SLC4A10: variants seen among roughly 807,000 people sequenced by gnomAD.
SLC4A10 encodes solute carrier family 4 member 10, also known as sodium-driven chloride bicarbonate exchanger.
A neutral mutation model predicts 137.7 loss-of-function variants in SLC4A10; 42 were observed. The observed-to-expected ratio is 0.30, with a 90% confidence interval of 0.24 to 0.39. SLC4A10 has a LOEUF of 0.39. Ranked by LOEUF, SLC4A10 falls within the 10% of genes least tolerant of loss-of-function variation. SLC4A10 has a pLI of 1.00. For missense variants in SLC4A10, 925 were observed against 1,355.0 expected, an observed-to-expected ratio of 0.68 and a Z score of 4.98; for synonymous variants, 474 against 464.1, an observed-to-expected ratio of 1.02 and a Z score of -0.27.
intron 21 of SLC4A10, among the ~76,000 whole-genome samples, chr2:161,963,915 C>T (rs912868196): frequency 4.6e-5 from 7 of 152,072 alleles, no homozygotes; most frequent in African/African-American, 7.2e-5. Flanking sequence ...AATTGTAACC[C>T]GTCTCCATAT....
chr2:161,859,594 C>CTTTTTTTTTTTTTTT (rs72003642), intron 5 of SLC4A10, among the ~76,000 whole-genome samples: 103 of 47,290 alleles, frequency 2.2e-3, no homozygotes, highest in Non-Finnish European at 2.9e-3. Flanking sequence ...CTTTTCTTTT[C>CTTTTTTTTTTTTTTT]TTTTTTTTTT....
intron 1 of SLC4A10, among the ~76,000 whole-genome samples, chr2:161,638,480 T>A (rs973838091): frequency 6.6e-6 from 1 of 152,112 alleles, no homozygotes; most frequent in Admixed American, 6.6e-5. Flanking sequence ...TTTCATTGAT[T>A]TATGAGTCTG....
intron 1 of SLC4A10, among the ~76,000 whole-genome samples, chr2:161,717,100 T>A (rs1428593675): frequency 1.3e-5 from 2 of 152,172 alleles, no homozygotes; most frequent in Non-Finnish European, 2.9e-5. Context: ...TTTATGCTTG[T>A]CTGTTGTTGG....
intron 1 of SLC4A10, among the ~76,000 whole-genome samples, chr2:161,657,359 C>A (rs2037689597): frequency 6.6e-6 from 1 of 151,868 alleles, no homozygotes; most frequent in Non-Finnish European, 1.5e-5. Context: ...AATGTTAATT[C>A]TTTTATTTTC....
intron 8 of SLC4A10, among the ~76,000 whole-genome samples, chr2:161,876,927 A>G (rs2061483018): frequency 6.6e-6 from 1 of 152,098 alleles, no homozygotes; most frequent in South Asian, 2.1e-4. Flanking sequence ...GTGCTATAGT[A>G]CTATAACTTA....
intron 3 of SLC4A10, among the ~76,000 whole-genome samples, chr2:161,823,951 G>A (rs921113822): frequency 4.6e-5 from 7 of 152,174 alleles, no homozygotes; most frequent in Non-Finnish European, 1.0e-4. Flanking sequence ...TCCTTGAAAG[G>A]AAAAGATGAG....
intron 1 of SLC4A10, among the ~76,000 whole-genome samples, chr2:161,745,536 T>C (rs1380677179): frequency 6.6e-6 from 1 of 152,216 alleles, no homozygotes; most frequent in Admixed American, 6.5e-5. Context: ...AAGAGTCATA[T>C]ATCTCTGTCA....
chr2:161,640,965 T>C (rs1194919124), intron 1 of SLC4A10, among the ~76,000 whole-genome samples: 1 of 152,216 alleles, frequency 6.6e-6, no homozygotes, highest in African/African-American at 2.4e-5. Context: ...GGCTCCCTTG[T>C]ACATTATAAG....
chr2:161,860,283 T>G (rs1260223047), intron 5 of SLC4A10, among the ~76,000 whole-genome samples: 1 of 152,188 alleles, frequency 6.6e-6, no homozygotes, highest in Admixed American at 6.5e-5. Context: ...AATAAAAATC[T>G]TATCTTTGAA....
intron 4 of SLC4A10, among the ~76,000 whole-genome samples, chr2:161,842,655 A>C (rs1350315324): frequency 1.3e-5 from 2 of 152,144 alleles, no homozygotes; most frequent in African/African-American, 4.8e-5. Context: ...ATAGACTTAA[A>C]TTTAAAATAG....
At chr2:161,863,911 C>G (rs2060580626) in intron 6 of SLC4A10, among the ~76,000 whole-genome samples, 1 of 152,030 alleles carries the variant, frequency 6.6e-6, no homozygotes, top group Non-Finnish European at 1.5e-5. Context: ...TTAAAAGTTT[C>G]CAGTTCTAGG....
At chr2:161,933,540 ATGCCACCACATC>A (rs1207624461) in intron 15 of SLC4A10, among the ~76,000 whole-genome samples, 1 of 151,946 alleles carries the variant, frequency 6.6e-6, no homozygotes, top group African/African-American at 2.4e-5. Flanking sequence ...CAACATGCAC[ATGCCACCACATC>A]TGCCTAATTT....
At chr2:161,735,632 T>C (rs1169850353) in intron 1 of SLC4A10, among the ~76,000 whole-genome samples, 1 of 152,072 alleles carries the variant, frequency 6.6e-6, no homozygotes, top group Non-Finnish European at 1.5e-5. Context: ...ATATACCAGG[T>C]GTAGAACTCA....
chr2:161,867,555 A>G (rs1301667344), intron 6 of SLC4A10, among the ~76,000 whole-genome samples: 1 of 152,026 alleles, frequency 6.6e-6, no homozygotes, highest in African/African-American at 2.4e-5. Context: ...CCCAGAGGCT[A>G]TATTGTCATT....
chr2:161,762,580 T>C (rs1466561292), intron 1 of SLC4A10, among the ~76,000 whole-genome samples: 1 of 152,084 alleles, frequency 6.6e-6, no homozygotes, highest in Non-Finnish European at 1.5e-5. Flanking sequence ...TAAATCTAAA[T>C]GTTAATTTTC....
At position 161,869,484 on chromosome 2, in the gene SLC4A10, A is replaced by G. The variant is rs528020210; in HGVS notation, c.767-2809A>G. 4.6e-5 allele frequency among the ~76,000 whole-genome samples: 7 copies of G among 151,826 alleles called. No individual in the cohort carries two copies. In the East Asian group the frequency reaches 1.3e-3, roughly 29 times the overall value. ...TTTATGAGGTTTCAATTAGTTCTATATACTATAATTCATGCTTGAATATTG... is the reference window on the plus strand; with the variant it reads ...TTTATGAGGTTTCAATTAGTTCTATGTACTATAATTCATGCTTGAATATTG... On this transcript the variant is annotated intron_variant, in intron 6 of 26. Transcript: ENST00000446997.
chr2:161,807,308 A>G (rs985430108), intron 3 of SLC4A10, among the ~76,000 whole-genome samples: 9 of 152,168 alleles, frequency 5.9e-5, no homozygotes, highest in African/African-American at 2.2e-4. Context: ...TATTCAGAAT[A>G]CCACAATAAG....
At chr2:161,707,330 A>G (rs944156227) in intron 1 of SLC4A10, among the ~76,000 whole-genome samples, 2 of 151,470 alleles carry the variant, frequency 1.3e-5, no homozygotes, top group Admixed American at 6.6e-5. Flanking sequence ...AAGAAGGGAA[A>G]CTATTCACAG....
At chr2:161,835,992 A>C (rs1012650942) in intron 3 of SLC4A10, among the ~76,000 whole-genome samples, 16 of 152,196 alleles carry the variant, frequency 1.1e-4, no homozygotes, top group African/African-American at 3.9e-4. Context: ...AAGTAAAGAC[A>C]TGTATGAGAC....
Sources: gnomAD v4.1 joint callset for allele counts (sites outside exome capture counted in the v4.1 genomes callset) on GRCh38, gnomAD v4.1.1 for gene constraint, MANE v1.5 for transcripts, NCBI Gene and HGNC (gene_info 2026-07-23, HGNC 2026-07-21) for gene names.